ATP8B1: variants seen among roughly 807,000 people sequenced by gnomAD.
ATP8B1 encodes ATPase phospholipid transporting 8B1, also known as phospholipid-transporting ATPase IC.
A neutral mutation model predicts 149.9 loss-of-function variants in ATP8B1; 80 were observed. That is an observed-to-expected ratio of 0.53 (90% CI 0.45 to 0.64). ATP8B1 has a LOEUF of 0.64. Among genes scored for constraint, ATP8B1 ranks in the 30% least tolerant of loss-of-function variants. ATP8B1 has a pLI of 0.00. For synonymous variants in ATP8B1, 536 were observed against 562.8 expected (o/e 0.95, Z 0.67); for missense variants, 1,247 against 1,552.6 (o/e 0.80, Z 3.31).
intron 2 of ATP8B1, among the ~76,000 whole-genome samples, chr18:57,710,031 A>C (rs1450586001): frequency 6.9e-6 from 1 of 145,954 alleles, no homozygotes; most frequent in Admixed American, 7.0e-5. Flanking sequence ...GAGTCTCACT[A>C]TGTTGCCCAG....
At position 57,647,462 on chromosome 18, in the gene ATP8B1, A is replaced by C. The variant is rs572904722; in HGVS notation, c.*1026T>G. ...CAACTTTGAAAAAGTGATTGAACGA[A>C]CCACTTAGCTTTCAGATGATGAACA... On this transcript the variant is annotated 3_prime_UTR_variant, in exon 28 of 28. Coordinates refer to ENST00000648908, the MANE Select transcript of ATP8B1 (RefSeq NM_001374385.1). 1.3e-5 allele frequency: 2 copies of C among 152,342 alleles called. No homozygotes were observed. The highest frequency in any genetic ancestry group is 1.3e-4 in the Admixed American group (2 of 15,280). 9.4% of individuals were successfully genotyped at this position (152,342 alleles called of 1,614,324 possible).
chr18:57,694,754 G>A (rs1912717122), intron 10 of ATP8B1, 84 bp from the exon 11 acceptor site: 3 of 976,146 alleles, frequency 3.1e-6, no homozygotes, highest in African/African-American at 3.2e-5. Context: ...TCTTGGCCAG[G>A]CATGGTGGCT....
chr18:57,724,150 G>A (rs1477668716), intron 2 of ATP8B1, among the ~76,000 whole-genome samples: 1 of 149,800 alleles, frequency 6.7e-6, no homozygotes, highest in Non-Finnish European at 1.5e-5. Flanking sequence ...AAAAACCCTA[G>A]AAGAAAACCT....
At chr18:57,735,967 G>GCCCCCC (rs59140378) in intron 1 of ATP8B1, among the ~76,000 whole-genome samples, 2 of 134,458 alleles carry the variant, frequency 1.5e-5, no homozygotes, top group Admixed American at 7.8e-5. Context: ...CCCATTCCTT[G>GCCCCCC]CCCCCCCCAC....
chr18:57,761,104 AAATAAAATATAAAATAAAAT>A (rs2080151503), intron 1 of ATP8B1, among the ~76,000 whole-genome samples: 2 of 118,330 alleles, frequency 1.7e-5, no homozygotes, highest in South Asian at 2.5e-4. Context: ...ATAAAAAATA[AAATAAAATATAAAATAAAAT>A]AAAATAAAAT....
chr18:57,751,075 A>G (rs1292185512), intron 1 of ATP8B1, among the ~76,000 whole-genome samples: 1 of 152,170 alleles, frequency 6.6e-6, no homozygotes. Flanking sequence ...GTGAGGAGAG[A>G]CTGTGCCACT....
At chr18:57,780,596 T>C (rs1005791247) in intron 1 of ATP8B1, among the ~76,000 whole-genome samples, 1 of 152,176 alleles carries the variant, frequency 6.6e-6, no homozygotes, top group Admixed American at 6.5e-5. Context: ...GGAGTCCATA[T>C]AGTTTGCCAG....
At chr18:57,674,260 A>T (rs1206919169) in intron 16 of ATP8B1, among the ~76,000 whole-genome samples, 1 of 87,630 alleles carries the variant, frequency 1.1e-5, no homozygotes, top group African/African-American at 3.3e-5. Context: ...AAAAAAAAAG[A>T]AAAGAAAAGA....
intron 2 of ATP8B1, among the ~76,000 whole-genome samples, chr18:57,713,220 C>T (rs1302902399): frequency 7.1e-4 from 81 of 113,352 alleles, no homozygotes; most frequent in African/African-American, 2.7e-3. Flanking sequence ...TCCTTCCTTC[C>T]TTCCTTCCTT....
At chr18:57,726,963 C>T (rs1443711316) in intron 2 of ATP8B1, among the ~76,000 whole-genome samples, 1 of 152,138 alleles carries the variant, frequency 6.6e-6, no homozygotes, top group Non-Finnish European at 1.5e-5. Flanking sequence ...GCCGGTAATC[C>T]CAGCTACTCG....
At chr18:57,680,585 AAAAAC>A (rs75854777) in intron 15 of ATP8B1, among the ~76,000 whole-genome samples, 18,236 of 143,944 alleles carry the variant, frequency 0.13, 1,348 homozygotes, top group African/African-American at 0.15. Context: ...ACTTGGTCTC[AAAAAC>A]AAAACAAAAC....
chr18:57,699,527 G>A (rs998301403), intron 6 of ATP8B1, among the ~76,000 whole-genome samples: 6 of 151,912 alleles, frequency 3.9e-5, no homozygotes, highest in African/African-American at 1.2e-4. Context: ...ATGAGGTCAG[G>A]AGATTAAGAC....
chr18:57,682,977 C>A (rs1912058097), intron 15 of ATP8B1, among the ~76,000 whole-genome samples: 1 of 151,968 alleles, frequency 6.6e-6, no homozygotes. Context: ...ACAGGCATGT[C>A]CCATCACACC....
intron 1 of ATP8B1, among the ~76,000 whole-genome samples, chr18:57,775,354 G>A (rs2080298015): frequency 1.3e-5 from 2 of 150,892 alleles, no homozygotes; most frequent in Non-Finnish European, 3.0e-5. Context: ...GAGGGGGAGA[G>A]AGACGAAAGA....
At chr18:57,697,541 C>G (rs1205318169) in intron 8 of ATP8B1, 77 bp downstream of exon 8, 7 of 1,501,128 alleles carry the variant, frequency 4.7e-6, no homozygotes, top group African/African-American at 2.7e-5. Context: ...CCGTCTGGTC[C>G]ACAATGCCCC....
chr18:57,655,103 A>T, intron 23 of ATP8B1, 91 bp downstream of exon 23: 1 of 1,226,168 alleles, frequency 8.2e-7, no homozygotes, highest in Non-Finnish European at 1.2e-6. Flanking sequence ...AACTACAAAT[A>T]TAGAAGAAAT....
intron 1 of ATP8B1, among the ~76,000 whole-genome samples, chr18:57,767,838 C>A (rs1191756506): frequency 6.6e-6 from 1 of 151,414 alleles, no homozygotes; most frequent in African/African-American, 2.4e-5. Flanking sequence ...GTTCCCTAAG[C>A]CAGCACTGGT....
intron 4 of ATP8B1, 66 bp from the exon 5 acceptor site, chr18:57,701,379 G>C: frequency 7.2e-7 from 1 of 1,389,864 alleles, no homozygotes; most frequent in South Asian, 1.2e-5. Flanking sequence ...GTAACTTATT[G>C]CTAATTCTAA....
intron 12 of ATP8B1, among the ~76,000 whole-genome samples, chr18:57,691,414 A>C (rs977666734): frequency 1.3e-5 from 2 of 152,184 alleles, no homozygotes; most frequent in Non-Finnish European, 1.5e-5. Flanking sequence ...GGCTCAGATA[A>C]GAGGTGAGGA....
Sources: allele counts gnomAD v4.1 joint callset (sites outside exome capture counted in the v4.1 genomes callset), GRCh38; gene constraint gnomAD v4.1.1; transcripts MANE v1.5; gene names NCBI Gene and HGNC (gene_info 2026-07-23, HGNC 2026-07-21).